The following CDYL2 variants were observed in gnomAD, a reference collection of about 807,000 sequenced individuals.
CDYL2 encodes chromodomain Y-like protein 2.
In CDYL2, 23 loss-of-function variants were observed where a neutral mutation model predicts 49.4. That is an observed-to-expected ratio of 0.47 (90% CI 0.34 to 0.66). The LOEUF (loss-of-function observed/expected upper bound fraction) is 0.66. Among genes scored for constraint, CDYL2 ranks in the 30% least tolerant of loss-of-function variants. CDYL2 has a pLI of 0.01. For synonymous variants in CDYL2, 360 were observed against 268.8 expected, an observed-to-expected ratio of 1.34 and a Z score of -3.32; for missense variants, 678 against 656.4, an observed-to-expected ratio of 1.03 and a Z score of -0.36.
At chr16:80,679,295 C>CAAAA (rs987534669) in intron 2 of CDYL2, among the ~76,000 whole-genome samples, 2 of 151,130 alleles carry the variant, frequency 1.3e-5, no homozygotes, top group Non-Finnish European at 2.9e-5. Context: ...AATAAATAAA[C>CAAAA]AAACAAGGAG....
chr16:80,692,669 A>G (rs1206988067), intron 1 of CDYL2, among the ~76,000 whole-genome samples: 1 of 152,232 alleles, frequency 6.6e-6, no homozygotes, highest in Non-Finnish European at 1.5e-5. Flanking sequence ...GATTACTTGC[A>G]TATATAATGT....
intron 3 of CDYL2, among the ~76,000 whole-genome samples, chr16:80,626,896 C>G (rs1907329862): frequency 6.6e-6 from 1 of 152,184 alleles, no homozygotes; most frequent in Non-Finnish European, 1.5e-5. Flanking sequence ...GAGATGGTAT[C>G]TCAACCTTGC....
chr16:80,619,910 G>A (rs1442568917), intron 4 of CDYL2, among the ~76,000 whole-genome samples: 1 of 152,112 alleles, frequency 6.6e-6, no homozygotes, highest in Non-Finnish European at 1.5e-5. Context: ...CCTCTGTGTG[G>A]CCCCTCCACA....
intron 3 of CDYL2, among the ~76,000 whole-genome samples, chr16:80,624,446 G>A (rs1034758217): frequency 1.8e-4 from 28 of 152,288 alleles, no homozygotes; most frequent in African/African-American, 6.7e-4. Flanking sequence ...CACAGAAATT[G>A]GACACAGGCT....
intron 2 of CDYL2, among the ~76,000 whole-genome samples, chr16:80,666,886 C>T (rs1271963289): frequency 6.6e-6 from 1 of 152,200 alleles, no homozygotes; most frequent in African/African-American, 2.4e-5. Context: ...CTGCTAAGTG[C>T]CCAGCATTGT....
At position 80,765,548 on chromosome 16, in the gene CDYL2, C is replaced by G. The variant is rs866931506; in HGVS notation, c.24+38602G>C. Among the ~76,000 whole-genome samples, 7 of 151,980 alleles carry G rather than the reference C, an allele frequency of 4.6e-5. No individual in the cohort carries two copies. In the South Asian group the frequency reaches 1.2e-3, roughly 27 times the overall value. On this transcript the variant is annotated intron_variant, in intron 1 of 6. Coordinates refer to ENST00000570137, the MANE Select transcript of CDYL2 (RefSeq NM_152342.4). ...AGAGTTAAACCAGTAACCTAAGACTCTGCAGTTCCTAGGTATAAACCTAAG... is the reference window on the plus strand; with the variant it reads ...AGAGTTAAACCAGTAACCTAAGACTGTGCAGTTCCTAGGTATAAACCTAAG...
intron 1 of CDYL2, among the ~76,000 whole-genome samples, chr16:80,791,094 C>G (rs1395113452): frequency 6.6e-6 from 1 of 152,212 alleles, no homozygotes; most frequent in Admixed American, 6.5e-5. Flanking sequence ...TCCAAGAGTT[C>G]TGCCATTTCC....
chr16:80,790,077 T>C (rs1350477326), intron 1 of CDYL2, among the ~76,000 whole-genome samples: 1 of 152,218 alleles, frequency 6.6e-6, no homozygotes, highest in Non-Finnish European at 1.5e-5. Context: ...GCAAACGCTA[T>C]TATAACTGTT....
intron 1 of CDYL2, among the ~76,000 whole-genome samples, chr16:80,709,328 G>T (rs1352079506): frequency 6.8e-6 from 1 of 147,760 alleles, no homozygotes; most frequent in Non-Finnish European, 1.5e-5. Flanking sequence ...GTTGCAGTGA[G>T]CCAAGATCGT....
chr16:80,695,117 T>G (rs909763832), intron 1 of CDYL2, among the ~76,000 whole-genome samples: 1 of 152,266 alleles, frequency 6.6e-6, no homozygotes, highest in Non-Finnish European at 1.5e-5. Context: ...AGGCCAAATC[T>G]GGCCAGATGT....
At chr16:80,778,897 T>C (rs1907176588) in intron 1 of CDYL2, among the ~76,000 whole-genome samples, 1 of 152,026 alleles carries the variant, frequency 6.6e-6, no homozygotes, top group Admixed American at 6.6e-5. Flanking sequence ...AATGACTCAT[T>C]TAATAAGTGG....
chr16:80,787,056 C>G (rs1468003067), intron 1 of CDYL2, among the ~76,000 whole-genome samples: 1 of 151,498 alleles, frequency 6.6e-6, no homozygotes, highest in Non-Finnish European at 1.5e-5. Flanking sequence ...TAACCCAGAA[C>G]CTAAAGTACA....
chr16:80,785,648 T>G (rs1349758674), intron 1 of CDYL2, among the ~76,000 whole-genome samples: 3 of 152,186 alleles, frequency 2.0e-5, no homozygotes, highest in Admixed American at 6.5e-5. Flanking sequence ...AGAGCCCGCA[T>G]AGCCAAGACA....
At chr16:80,756,920 T>C (rs1906330625) in intron 1 of CDYL2, among the ~76,000 whole-genome samples, 1 of 151,774 alleles carries the variant, frequency 6.6e-6, no homozygotes, top group Admixed American at 6.6e-5. Flanking sequence ...AGTCATTTCC[T>C]GTTTTTAAAA....
chr16:80,639,209 G>A (rs1307267263), intron 2 of CDYL2, among the ~76,000 whole-genome samples: 1 of 152,192 alleles, frequency 6.6e-6, no homozygotes, highest in African/African-American at 2.4e-5. Context: ...ACCAATAGCT[G>A]GAGAGGATGC....
chr16:80,644,970 C>G (rs1033084672), intron 2 of CDYL2, among the ~76,000 whole-genome samples: 2 of 152,092 alleles, frequency 1.3e-5, no homozygotes, highest in Non-Finnish European at 2.9e-5. Context: ...CTTCCTTACA[C>G]CTTATACAAA....
At chr16:80,678,410 T>C (rs954409814) in intron 2 of CDYL2, among the ~76,000 whole-genome samples, 30 of 151,962 alleles carry the variant, frequency 2.0e-4, no homozygotes, top group Non-Finnish European at 3.4e-4. Context: ...CAAACAAATT[T>C]ACAAGAGAAA....
At chr16:80,653,076 T>C (rs1450675824) in intron 2 of CDYL2, among the ~76,000 whole-genome samples, 1 of 152,210 alleles carries the variant, frequency 6.6e-6, no homozygotes, top group African/African-American at 2.4e-5. Flanking sequence ...AAAATCATAC[T>C]AATGTAAGAT....
intron 1 of CDYL2, among the ~76,000 whole-genome samples, chr16:80,728,100 G>C (rs1364297364): frequency 1.3e-5 from 2 of 152,202 alleles, no homozygotes. Context: ...GCTGGATGGG[G>C]AATGACTTTG....
Sources: allele counts gnomAD v4.1 joint callset (sites outside exome capture counted in the v4.1 genomes callset), GRCh38; gene constraint gnomAD v4.1.1; transcripts MANE v1.5; gene names NCBI Gene and HGNC (gene_info 2026-07-23, HGNC 2026-07-21).